Variants in GABRP observed in about 807,000 individuals in gnomAD.
GABRP encodes the protein gamma-aminobutyric acid type A receptor subunit pi.
Under a neutral mutation model 47.8 loss-of-function variants are expected in GABRP, and 52 were observed. The observed-to-expected ratio is 1.09, with a 90% CI of 0.87 to 1.37. The LOEUF is 1.37. Among genes scored for constraint, GABRP ranks in the 40% most tolerant of loss-of-function variants. The pLI, the probability that GABRP is intolerant of heterozygous loss-of-function variation, is 0.00. For missense variants in GABRP, 525 were observed against 542.8 expected (o/e 0.97, Z 0.33); for synonymous variants, 221 against 205.8 (o/e 1.07, Z -0.63).
intron 3 of GABRP, among the ~76,000 whole-genome samples, chr5:170,793,062 T>G (rs1765320450): frequency 6.6e-6 from 1 of 152,128 alleles, no homozygotes; most frequent in South Asian, 2.1e-4. Context: ...CTGGGAGCTT[T>G]GTACAGATAA....
chr5:170,787,872 T>G (rs775459750), intron 1 of GABRP, among the ~76,000 whole-genome samples: 4 of 152,082 alleles, frequency 2.6e-5, no homozygotes, highest in Non-Finnish European at 4.4e-5. Context: ...AATAAAAGAA[T>G]GTCTGGCTTG....
Position 170,807,859 on chromosome 5 carries a change from C to G in GABRP, c.680-741C>G, listed in dbSNP as rs979526628. On this transcript the variant is annotated intron_variant, in intron 7 of 9. Coordinates refer to ENST00000265294, the MANE Select transcript of GABRP (RefSeq NM_014211.3). ...GCTCCCATTCACCATCCTGTTTTTC[C>G]CCAACAACAATCTAAGCCAGACTTT... Among the ~76,000 whole-genome samples the G allele has an allele frequency of 3.9e-5, 6 of 152,032 alleles. No homozygotes were observed. In the East Asian group the frequency reaches 9.7e-4, roughly 24 times the overall value.
intron 1 of GABRP, 78 bp from the exon 2 acceptor site, chr5:170,788,496 C>T (rs1229130703): frequency 1.1e-6 from 1 of 940,534 alleles, no homozygotes; most frequent in African/African-American, 1.6e-5. Context: ...TACCGACCAC[C>T]CACCAGAGAG....
At chr5:170,786,958 A>C (rs558960751) in intron 1 of GABRP, among the ~76,000 whole-genome samples, 1 of 152,266 alleles carries the variant, frequency 6.6e-6, no homozygotes, top group South Asian at 2.1e-4. Flanking sequence ...ATGAGACAAA[A>C]GAGAAGAAAT....
rs529872148 is a variant in GABRP, at chr5:170,809,693, G to A, written c.958G>A (p.Ala320Thr). The A allele has an allele frequency of 6.8e-6, 11 of 1,613,192 alleles. No individual in the cohort carries two copies. In the African/African-American group the frequency reaches 1.1e-4, roughly 16 times the overall value. The change falls in exon 9 of 10, where the codon GCC becomes ACC. Residue 320 changes from alanine (A) to threonine (T), a missense_variant. Physicochemically the swap from Ala to Thr is moderately conservative, Grantham distance 58. Transcript: ENST00000265294. ...LGICFSFVFG[A>T]LLEYAVAHYS... is the part of the protein sequence containing the mutation. ...GATCTGCTTTAGCTTTGTGTTTGGG[G>A]CCTTGCTAGAATATGCAGTTGCTCA...
chr5:170,799,246 T>G (rs1005193227), intron 6 of GABRP, among the ~76,000 whole-genome samples: 3 of 152,236 alleles, frequency 2.0e-5, no homozygotes, highest in Non-Finnish European at 4.4e-5. Context: ...AATATACATG[T>G]GCATGTGTCT....
intron 3 of GABRP, 30 bp downstream of exon 3, chr5:170,789,277 T>C (rs1260233534): frequency 2.8e-6 from 4 of 1,432,904 alleles, no homozygotes; most frequent in Non-Finnish European, 3.9e-6. Context: ...CAGGACATCA[T>C]TCAAAGGGAC....
chr5:170,784,251 G>T (rs972230202), intron 1 of GABRP, among the ~76,000 whole-genome samples: 1 of 152,230 alleles, frequency 6.6e-6, no homozygotes, highest in African/African-American at 2.4e-5. Flanking sequence ...AAGTGATAAG[G>T]ATAGGAAAAC....
chr5:170,798,191 G>A lies in GABRP; in HGVS notation c.541+643G>A, dbSNP rs183215721. On this transcript the variant is annotated intron_variant, in intron 6 of 9. Coordinates refer to ENST00000265294, the MANE Select transcript of GABRP (RefSeq NM_014211.3). ...CAAGTAGCCGGGACCACAGGCGCCC[G>A]CCACCACGCCCGGCTAATTTTTTGT... Among the ~76,000 whole-genome samples, 58 of 152,256 alleles carry A rather than the reference G, an allele frequency of 3.8e-4. 1 individual carries two copies. Among genetic ancestry groups the A allele is most frequent in the South Asian group, 2.5e-3 (12 of 4,824 alleles).
intron 3 of GABRP, among the ~76,000 whole-genome samples, chr5:170,792,996 G>A (rs1484167215): frequency 6.6e-6 from 1 of 152,172 alleles, no homozygotes; most frequent in Non-Finnish European, 1.5e-5. Flanking sequence ...AGAGGGGGAA[G>A]GGAAGGGAAA....
intron 1 of GABRP, among the ~76,000 whole-genome samples, chr5:170,787,971 G>A (rs1765169272): frequency 6.6e-6 from 1 of 152,178 alleles, no homozygotes; most frequent in Non-Finnish European, 1.5e-5. Context: ...CAGCAGATAT[G>A]GCCCAGAGGA....
chr5:170,799,552 T>C (rs1298177869), intron 6 of GABRP, among the ~76,000 whole-genome samples: 1 of 152,228 alleles, frequency 6.6e-6, no homozygotes, highest in Non-Finnish European at 1.5e-5. Flanking sequence ...CATTTTTTCA[T>C]GTGTCTTTTG....
intron 9 of GABRP, 78 bp downstream of exon 9, chr5:170,809,833 T>A (rs1765836564): frequency 7.3e-7 from 1 of 1,378,350 alleles, no homozygotes; most frequent in East Asian, 2.3e-5. Flanking sequence ...TGGACCTGGC[T>A]TCTATCCCCA....
intron 7 of GABRP, among the ~76,000 whole-genome samples, chr5:170,808,163 A>G (rs1215261584): frequency 1.3e-5 from 2 of 152,188 alleles, no homozygotes; most frequent in East Asian, 3.8e-4. Flanking sequence ...ATCATCAAAA[A>G]TTCACTTATA....
chr5:170,793,508 T>TC (rs1426829452), intron 3 of GABRP, among the ~76,000 whole-genome samples: 1 of 152,146 alleles, frequency 6.6e-6, no homozygotes, highest in Non-Finnish European at 1.5e-5. Flanking sequence ...TGTTTAGGGT[T>TC]CCAGGAGAGT....
At chr5:170,785,532 G>A (rs1038726085) in intron 1 of GABRP, among the ~76,000 whole-genome samples, 5 of 152,140 alleles carry the variant, frequency 3.3e-5, no homozygotes, top group South Asian at 2.1e-4. Context: ...AAGCAAACAC[G>A]GTAGGATGGG....
chr5:170,809,139 G>A (rs754009043), intron 8 of GABRP, among the ~76,000 whole-genome samples: 21 of 152,076 alleles, frequency 1.4e-4, no homozygotes, highest in African/African-American at 4.3e-4. Context: ...GTTTCACCAC[G>A]TTGCCCAGGC....
chr5:170,794,260 G>A lies in GABRP; in HGVS notation c.202G>A (p.Asp68Asn). ...GEPVQIALTL[D>N]IASISSISES... The stretch of plus-strand genomic sequence containing the variant: ...ACCCGTACAGATAGCGCTGACTCTG[G>A]ACATTGCAAGTATCTCTAGCATTTC... The change falls in exon 4 of 10, where the codon GAC becomes AAC. Residue 68 changes from aspartate to asparagine, a missense_variant. Physicochemically the swap from Asp to Asn is conservative, Grantham distance 23. Transcript: ENST00000265294. 6.2e-7 allele frequency: 1 copy of A among 1,611,070 alleles called. No individual in the cohort carries two copies. The highest frequency in any genetic ancestry group is 2.2e-5 in the East Asian group (1 of 44,788).
intron 3 of GABRP, among the ~76,000 whole-genome samples, chr5:170,790,007 A>C (rs1581589326): frequency 6.6e-6 from 1 of 152,042 alleles, no homozygotes; most frequent in African/African-American, 2.4e-5. Flanking sequence ...ATGCCTCAAA[A>C]TCATAGCCGT....
Sources: gnomAD v4.1 joint callset for allele counts (sites outside exome capture counted in the v4.1 genomes callset) on GRCh38, gnomAD v4.1.1 for gene constraint, MANE v1.5 for transcripts, NCBI Gene and HGNC (gene_info 2026-07-23, HGNC 2026-07-21) for gene names.